Variants in WHRN observed in about 807,000 individuals in gnomAD.
The protein encoded by WHRN is whirlin, also known as CASK-interacting protein CIP98.
A neutral mutation model predicts 68.3 loss-of-function variants in WHRN; 41 were observed. The observed-to-expected ratio is 0.60, with a 90% CI of 0.47 to 0.78. The LOEUF (loss-of-function observed/expected upper bound fraction) is 0.78, where lower values mean the gene tolerates loss of function less well. Among genes scored for constraint, WHRN ranks in the 30% least tolerant of loss-of-function variants. The pLI is 0.00. For synonymous variants in WHRN, 560 were observed against 561.3 expected (o/e 1.00, Z 0.03); for missense variants, 1,243 against 1,244.7 (o/e 1.00, Z 0.02).
chr9:114,465,186 G>A (rs776707874), intron 3 of WHRN, among the ~76,000 whole-genome samples: 2 of 152,166 alleles, frequency 1.3e-5, no homozygotes, highest in Admixed American at 1.3e-4. Context: ...CAGACGTATC[G>A]TCTCTGTACT....
intron 2 of WHRN, among the ~76,000 whole-genome samples, chr9:114,478,160 C>T (rs184326927): frequency 2.6e-5 from 4 of 151,718 alleles, no homozygotes; most frequent in Middle Eastern, 3.5e-3. Flanking sequence ...TGGTGGTGCA[C>T]GCCTGTAATC....
intron 7 of WHRN, among the ~76,000 whole-genome samples, chr9:114,413,093 C>T (rs541618421): frequency 2.0e-4 from 30 of 152,324 alleles, no homozygotes; most frequent in African/African-American, 6.7e-4. Context: ...TTTCTTCATT[C>T]TGTATGTGGG....
Position 114,504,592 on chromosome 9 carries a change from G to T in WHRN, c.210C>A (p.Asn70Lys), listed in dbSNP as rs1844239163. The change falls in exon 1 of 12, where the codon AAC (asparagine) becomes AAA (lysine). Residue 70 changes from asparagine to lysine, a missense_variant. Asn to Lys is a moderately conservative substitution (Grantham distance 94). Coordinates refer to ENST00000362057, the MANE Select transcript of WHRN (RefSeq NM_015404.4). ...GCAGGGTGCGCACCAGGTCGAAGAC[G>T]TTGCGGCGCGCGTGGTAAGCGTTCA... ...HCLNAYHARR[N>K]VFDLVRTLRV... The T allele has an allele frequency of 6.2e-7, 1 of 1,611,288 alleles. No homozygotes were observed. Among genetic ancestry groups the T allele is most frequent in the South Asian group, 1.1e-5 (1 of 91,032 alleles).
intron 9 of WHRN, among the ~76,000 whole-genome samples, 196 bp from the exon 10 acceptor site, chr9:114,404,273 C>T (rs750016745): frequency 6.6e-6 from 1 of 152,234 alleles, no homozygotes; most frequent in Non-Finnish European, 1.5e-5. Flanking sequence ...CAAGACCTGT[C>T]CTTTCAACCA....
At chr9:114,407,502 G>A (rs555468337) in intron 8 of WHRN, among the ~76,000 whole-genome samples, 5 of 152,294 alleles carry the variant, frequency 3.3e-5, no homozygotes, top group East Asian at 1.9e-4. Context: ...TATGGACACT[G>A]TGACTACCAC....
intron 7 of WHRN, among the ~76,000 whole-genome samples, chr9:114,421,296 C>A (rs2132331030): frequency 1.3e-5 from 2 of 152,316 alleles, no homozygotes; most frequent in Middle Eastern, 3.4e-3. Flanking sequence ...GCCCCCTGAG[C>A]TGGGACAAGG....
At chr9:114,459,401 T>G (rs1589183598) in intron 3 of WHRN, among the ~76,000 whole-genome samples, 3 of 152,118 alleles carry the variant, frequency 2.0e-5, no homozygotes, top group African/African-American at 7.2e-5. Flanking sequence ...GGGTGGAGAT[T>G]GCAGTGAGCT....
chr9:114,460,137 G>A (rs1023357248), intron 3 of WHRN, among the ~76,000 whole-genome samples: 10 of 152,222 alleles, frequency 6.6e-5, no homozygotes, highest in African/African-American at 2.4e-4. Context: ...GGGAAACTTG[G>A]TGATTTCTAA....
At chr9:114,413,188 G>A (rs1835575634) in intron 7 of WHRN, among the ~76,000 whole-genome samples, 1 of 152,196 alleles carries the variant, frequency 6.6e-6, no homozygotes, top group South Asian at 2.1e-4. Context: ...CTGACAGGAA[G>A]GGAGATAAAG....
chr9:114,424,279 A>C, intron 6 of WHRN, 55 bp downstream of exon 6: 1 of 1,586,198 alleles, frequency 6.3e-7, no homozygotes, highest in Non-Finnish European at 8.6e-7. Context: ...GGGGCAGGGC[A>C]GGATGCAGAG....
chr9:114,482,501 GAGA>G (rs1842168687), intron 1 of WHRN, among the ~76,000 whole-genome samples: 2 of 152,134 alleles, frequency 1.3e-5, no homozygotes. Context: ...GTGAACTGGG[GAGA>G]AGGACAATGC....
At chr9:114,471,427 G>C (rs1005257639) in intron 2 of WHRN, among the ~76,000 whole-genome samples, 7 of 152,226 alleles carry the variant, frequency 4.6e-5, no homozygotes, top group African/African-American at 1.4e-4. Flanking sequence ...CACTTGGCTT[G>C]CCTGCAGTGC....
At chr9:114,419,655 G>A (rs1836107074) in intron 7 of WHRN, among the ~76,000 whole-genome samples, 1 of 152,218 alleles carries the variant, frequency 6.6e-6, no homozygotes, top group African/African-American at 2.4e-5. Flanking sequence ...ATAGGAGAAA[G>A]TCAGGTCATA....
rs1589113438 is a variant in WHRN at position 114,426,335 on chromosome 9, A to C, written c.1042T>G (p.Ser348Ala). Residue 348 changes from serine (S) to alanine (A), a missense_variant, in exon 4 of 12, where the codon TCA becomes GCA. By Grantham distance (99) the Ser-to-Ala change is moderately conservative (BLOSUM62 1). Coordinates refer to ENST00000362057, the MANE Select transcript of WHRN (RefSeq NM_015404.4). ...LHDEAVRLLK[S>A]SRHLILTVKD... ...ACTGTCAGGATGAGGTGCCGAGATG[A>C]CTTAAGCAGCCTGACAGCCTCGTCG... is the stretch of plus-strand genomic sequence containing the variant. 2 of 1,614,048 alleles carry C rather than the reference A, an allele frequency of 1.2e-6. No homozygotes were observed. The highest frequency in any genetic ancestry group is 8.5e-7 in the Non-Finnish European group (1 of 1,180,038).
chr9:114,489,415 T>C (rs922454551), intron 1 of WHRN, among the ~76,000 whole-genome samples: 8 of 152,008 alleles, frequency 5.3e-5, no homozygotes, highest in Non-Finnish European at 4.4e-5. Context: ...GGGCTCAGAA[T>C]TCAATTTCAA....
intron 3 of WHRN, among the ~76,000 whole-genome samples, chr9:114,461,249 C>T (rs187633620): frequency 5.9e-5 from 9 of 152,310 alleles, no homozygotes; most frequent in Admixed American, 3.3e-4. Context: ...TCCATTCAGA[C>T]GCCGCCTAAG....
At chr9:114,457,458 T>C (rs949822266) in intron 3 of WHRN, among the ~76,000 whole-genome samples, 12 of 152,084 alleles carry the variant, frequency 7.9e-5, no homozygotes, top group Middle Eastern at 6.8e-3. Flanking sequence ...ACTGAATAAA[T>C]AGATAAATGA....
At chr9:114,476,397 G>T (rs895500429) in intron 2 of WHRN, among the ~76,000 whole-genome samples, 2 of 151,896 alleles carry the variant, frequency 1.3e-5, no homozygotes, top group Non-Finnish European at 2.9e-5. Context: ...TGTCCTTGCT[G>T]CTTGGGATTT....
At chr9:114,467,853 A>AAG (rs1840859033) in intron 2 of WHRN, among the ~76,000 whole-genome samples, 1 of 152,208 alleles carries the variant, frequency 6.6e-6, no homozygotes, top group African/African-American at 2.4e-5. Context: ...AAGGGATCCA[A>AAG]AGAGAGCACA....
Sources: gnomAD v4.1 joint callset for allele counts (sites outside exome capture counted in the v4.1 genomes callset) on GRCh38, gnomAD v4.1.1 for gene constraint, MANE v1.5 for transcripts, NCBI Gene and HGNC (gene_info 2026-07-23, HGNC 2026-07-21) for gene names.